Variants in SMAP1 observed in about 807,000 individuals in gnomAD.
SMAP1 encodes the protein stromal membrane-associated protein 1.
SMAP1 carries 24 observed loss-of-function variants against 58.5 expected under a neutral mutation model. The ratio of observed to expected loss-of-function variants is 0.41; its 90% CI spans 0.30 to 0.58. The LOEUF (loss-of-function observed/expected upper bound fraction) is 0.58, where lower values mean the gene tolerates loss of function less well. Ranked by LOEUF, SMAP1 falls within the 20% of genes least tolerant of loss-of-function variation. The probability of loss-of-function intolerance (pLI) is 0.29; values close to 1 mark genes in which losing one functional copy is unlikely to be tolerated. For synonymous variants in SMAP1, 216 were observed against 196.6 expected (o/e 1.10, Z -0.82); for missense variants, 563 against 566.3 (o/e 0.99, Z 0.06).
At chr6:70,773,259 A>G in intron 3 of SMAP1, 91 bp from the exon 4 acceptor site, 1 of 729,466 alleles carries the variant, frequency 1.4e-6, no homozygotes, top group African/African-American at 1.9e-5. Context: ...GGAAAATTAA[A>G]TTTAGAGTCC....
intron 7 of SMAP1, among the ~76,000 whole-genome samples, chr6:70,843,133 AT>A (rs1770863169): frequency 6.6e-6 from 1 of 151,304 alleles, no homozygotes; most frequent in African/African-American, 2.4e-5. Flanking sequence ...GGTAGAGAGT[AT>A]TTTACACACC....
At chr6:70,859,553 T>G in intron 10 of SMAP1, 1 of 552,470 alleles carries the variant, frequency 1.8e-6, no homozygotes, top group Non-Finnish European at 3.1e-6. Context: ...AGTGTAAGTT[T>G]TAAACCCACT....
chr6:70,679,756 A>T (rs1333574280), intron 1 of SMAP1, among the ~76,000 whole-genome samples: 1 of 152,204 alleles, frequency 6.6e-6, no homozygotes, highest in East Asian at 1.9e-4. Context: ...GGTATCAGAG[A>T]TATCATGCTC....
At chr6:70,683,378 A>T (rs542800864) in intron 1 of SMAP1, among the ~76,000 whole-genome samples, 1 of 151,576 alleles carries the variant, frequency 6.6e-6, no homozygotes, top group East Asian at 2.0e-4. Context: ...CATCATCTTG[A>T]CCAGGCTGGT....
intron 1 of SMAP1, among the ~76,000 whole-genome samples, chr6:70,689,523 T>C (rs767920639): frequency 2.0e-5 from 3 of 152,216 alleles, no homozygotes; most frequent in Non-Finnish European, 2.9e-5. Flanking sequence ...TCCAACTTTG[T>C]TATTTTTTTC....
intron 3 of SMAP1, among the ~76,000 whole-genome samples, chr6:70,758,485 C>G (rs1334071052): frequency 6.6e-6 from 1 of 151,486 alleles, no homozygotes; most frequent in Non-Finnish European, 1.5e-5. Context: ...CTAACCTGCA[C>G]ATTGTGCACA....
intron 6 of SMAP1, among the ~76,000 whole-genome samples, chr6:70,836,404 C>G (rs916292208): frequency 6.6e-6 from 1 of 152,098 alleles, no homozygotes; most frequent in Non-Finnish European, 1.5e-5. Flanking sequence ...GTCCCTCCCA[C>G]AACACATGGG....
intron 4 of SMAP1, among the ~76,000 whole-genome samples, chr6:70,784,879 C>T (rs1340209971): frequency 3.3e-5 from 5 of 152,152 alleles, no homozygotes; most frequent in African/African-American, 1.2e-4. Flanking sequence ...CCACTGTCAA[C>T]ATTAGACAGA....
intron 1 of SMAP1, among the ~76,000 whole-genome samples, chr6:70,681,120 A>AT (rs1179375148): frequency 6.6e-6 from 1 of 151,768 alleles, no homozygotes; most frequent in Non-Finnish European, 1.5e-5. Flanking sequence ...ATTTAAAAAA[A>AT]AAAAATACAA....
intron 8 of SMAP1, among the ~76,000 whole-genome samples, chr6:70,853,385 C>T (rs891750831): frequency 1.3e-5 from 2 of 152,062 alleles, no homozygotes. Context: ...CATTAAGATT[C>T]TATCTTAAGT....
At chr6:70,819,214 A>T (rs1769777074) in intron 6 of SMAP1, among the ~76,000 whole-genome samples, 1 of 149,362 alleles carries the variant, frequency 6.7e-6, no homozygotes, top group Non-Finnish European at 1.5e-5. Context: ...TTTTCTTGCA[A>T]TTTTTTTTTT....
chr6:70,841,617 T>G (rs1770811382), intron 7 of SMAP1, among the ~76,000 whole-genome samples: 1 of 152,230 alleles, frequency 6.6e-6, no homozygotes, highest in South Asian at 2.1e-4. Flanking sequence ...TTATTTTAAA[T>G]ACTGAACTAT....
rs1289386419 is a variant in SMAP1, at chr6:70,798,945, C to T, written c.576+208C>T. ...TTATCTATATGTGTGGGTATAAACC[C>T]TCTGAGTTCCTTGGAGACAGGTATT... On this transcript the variant is annotated intron_variant, in intron 6 of 10. Transcript: ENST00000370455. 2.0e-5 allele frequency among the ~76,000 whole-genome samples: 3 copies of T among 151,992 alleles called. 1 individual carries two copies. The highest frequency in any genetic ancestry group is 4.4e-5 in the Non-Finnish European group (3 of 67,928).
chr6:70,759,503 T>C (rs1766658754), intron 3 of SMAP1, among the ~76,000 whole-genome samples: 1 of 152,110 alleles, frequency 6.6e-6, no homozygotes, highest in African/African-American at 2.4e-5. Context: ...ATTTAATTTA[T>C]TACACTGATT....
At chr6:70,769,987 G>T (rs893595402) in intron 3 of SMAP1, among the ~76,000 whole-genome samples, 8 of 151,766 alleles carry the variant, frequency 5.3e-5, no homozygotes, top group Admixed American at 3.9e-4. Flanking sequence ...GTCTGTAAAG[G>T]ATTTTATTTC....
rs1349403585 is a variant in SMAP1 at position 70,677,392 on chromosome 6, A to T, written c.118+9251A>T. ...TTGCAAAGATTTATTTCAACCTTGT[A>T]TGGTCTGTGTTCTTTCTTGAATCCC... On this transcript the variant is annotated intron_variant, in intron 1 of 10. Transcript: ENST00000370455. Among the ~76,000 whole-genome samples, 4 of 109,938 alleles carry T rather than the reference A, an allele frequency of 3.6e-5. No homozygotes were observed. In the South Asian group the frequency reaches 8.9e-4, roughly 24 times the overall value. 72.1% of individuals were successfully genotyped at this position (109,938 alleles called of 152,430 possible). A position where few individuals can be genotyped will look rare whatever the true frequency, so the allele number is the denominator to read the frequency against.
chr6:70,679,248 AC>A (rs1766605106), intron 1 of SMAP1, among the ~76,000 whole-genome samples: 1 of 152,052 alleles, frequency 6.6e-6, no homozygotes, highest in African/African-American at 2.4e-5. Flanking sequence ...CAAACCCCTG[AC>A]CTCGAGTGAT....
At chr6:70,755,721 A>G (rs866610986) in intron 3 of SMAP1, among the ~76,000 whole-genome samples, 3 of 151,980 alleles carry the variant, frequency 2.0e-5, no homozygotes, top group African/African-American at 7.2e-5. Context: ...CCATCTCTCA[A>G]TTGGAAAGTA....
intron 1 of SMAP1, among the ~76,000 whole-genome samples, chr6:70,721,814 CT>C (rs1399577176): frequency 6.6e-6 from 1 of 152,132 alleles, no homozygotes; most frequent in Non-Finnish European, 1.5e-5. Flanking sequence ...GTGGGAACCC[CT>C]GATAAACCCG....
Sources: gnomAD v4.1 joint callset for allele counts (sites outside exome capture counted in the v4.1 genomes callset) on GRCh38, gnomAD v4.1.1 for gene constraint, MANE v1.5 for transcripts, NCBI Gene and HGNC (gene_info 2026-07-23, HGNC 2026-07-21) for gene names.